FBXL17: variants seen among roughly 807,000 people sequenced by gnomAD.
FBXL17 encodes F-box/LRR-repeat protein 17.
A neutral mutation model predicts 66.2 loss-of-function variants in FBXL17; 22 were observed. That is an observed-to-expected ratio of 0.33 (90% CI 0.24 to 0.47). FBXL17 has a LOEUF of 0.47. Among genes scored for constraint, FBXL17 ranks in the 20% least tolerant of loss-of-function variants. The pLI is 1.00. For missense variants in FBXL17, 878 were observed against 948.2 expected, an observed-to-expected ratio of 0.93 and a Z score of 0.97; for synonymous variants, 474 against 400.5, an observed-to-expected ratio of 1.18 and a Z score of -2.19.
chr5:107,997,909 C>T (rs1050578670), intron 7 of FBXL17, among the ~76,000 whole-genome samples: 3 of 152,186 alleles, frequency 2.0e-5, no homozygotes, highest in African/African-American at 7.2e-5. Context: ...ACACTGACAG[C>T]CATTTTCTCA....
At chr5:108,198,672 T>G (rs17161120) in intron 5 of FBXL17, among the ~76,000 whole-genome samples, 1,955 of 152,266 alleles carry the variant, frequency 0.013, 35 homozygotes, top group African/African-American at 0.043. Context: ...TTTTACTTAG[T>G]TTTACATTGT....
intron 4 of FBXL17, among the ~76,000 whole-genome samples, chr5:108,307,979 A>G (rs1459832255): frequency 6.6e-6 from 1 of 152,160 alleles, no homozygotes; most frequent in Non-Finnish European, 1.5e-5. Context: ...ACATAATAAA[A>G]TATGATACAT....
chr5:108,365,004 G>T lies in FBXL17; in HGVS notation c.1117-9C>A. ...AACAATTCATCAGTGACCTGTAAGA[G>T]AAAAAGCAATAAATTTAAACTTTTG... is the stretch of plus-strand genomic sequence containing the variant. On this transcript the variant is annotated splice_polypyrimidine_tract_variant and intron_variant, in intron 2 of 8. Transcript: ENST00000542267. 1 of 1,575,392 alleles carries T rather than the reference G, an allele frequency of 6.3e-7. No individual in the cohort carries two copies. Among genetic ancestry groups the T allele is most frequent in the Non-Finnish European group, 8.6e-7 (1 of 1,161,104 alleles).
chr5:107,987,837 T>A (rs2112685215), intron 7 of FBXL17, among the ~76,000 whole-genome samples: 1 of 152,152 alleles, frequency 6.6e-6, no homozygotes, highest in East Asian at 1.9e-4. Flanking sequence ...TGAATACATC[T>A]ATACCATTTT....
chr5:108,364,974 T>C lies in FBXL17; in HGVS notation c.1138A>G (p.Lys380Glu). ...ATATTCTGACTTCTTGATGCAATTT[T>C]TTCCAACAATTCATCAGTGACCTGT... ...RQQVTDELLE[K>E]IASRSQNIIE... Residue 380 changes from lysine (K) to glutamate (E), a missense_variant, in exon 3 of 9, where the codon AAA becomes GAA. Lys to Glu is a moderately conservative substitution (Grantham distance 56, BLOSUM62 1). Transcript: ENST00000542267. 1 of 1,610,444 alleles carries C rather than the reference T, an allele frequency of 6.2e-7. No individual in the cohort carries two copies.
At chr5:108,343,169 T>C (rs1268220332) in intron 4 of FBXL17, among the ~76,000 whole-genome samples, 2 of 152,218 alleles carry the variant, frequency 1.3e-5, no homozygotes, top group Admixed American at 6.5e-5. Flanking sequence ...GACAAACACA[T>C]GTCTGTTGTT....
chr5:108,263,192 G>A (rs1250086398), intron 4 of FBXL17, among the ~76,000 whole-genome samples: 5 of 152,074 alleles, frequency 3.3e-5, no homozygotes, highest in Admixed American at 6.5e-5. Context: ...TACACTTAAT[G>A]GAGGGTCTGC....
chr5:108,293,226 C>A (rs1021475926), intron 4 of FBXL17, among the ~76,000 whole-genome samples: 1 of 151,724 alleles, frequency 6.6e-6, no homozygotes, highest in African/African-American at 2.4e-5. Context: ...TTACATCTTA[C>A]AATAAGGATT....
intron 4 of FBXL17, among the ~76,000 whole-genome samples, chr5:108,283,786 A>C (rs1230966526): frequency 6.6e-6 from 1 of 151,982 alleles, no homozygotes; most frequent in East Asian, 1.9e-4. Flanking sequence ...TATTCATCCA[A>C]CAGGGGACTA....
At chr5:108,141,776 C>A (rs1284496487) in intron 6 of FBXL17, among the ~76,000 whole-genome samples, 1 of 152,212 alleles carries the variant, frequency 6.6e-6, no homozygotes, top group Non-Finnish European at 1.5e-5. Context: ...AGCAATCAGA[C>A]TATACGTTGT....
intron 7 of FBXL17, among the ~76,000 whole-genome samples, chr5:107,936,825 T>TTTAAAA: frequency 6.6e-6 from 1 of 152,196 alleles, no homozygotes; most frequent in East Asian, 1.9e-4. Context: ...TTTAAAATAT[T>TTTAAAA]TACAATGGTA....
At chr5:108,193,842 C>G (rs184633176) in intron 5 of FBXL17, among the ~76,000 whole-genome samples, 8 of 152,252 alleles carry the variant, frequency 5.3e-5, no homozygotes, top group Non-Finnish European at 2.9e-5. Context: ...CTTAATCACA[C>G]TGGGCTTTTG....
chr5:107,978,361 T>G (rs960620301), intron 7 of FBXL17, among the ~76,000 whole-genome samples: 1 of 152,190 alleles, frequency 6.6e-6, no homozygotes, highest in Admixed American at 6.5e-5. Context: ...TGAAACTGCC[T>G]TTGTAAAACT....
At chr5:108,084,035 T>G (rs545673726) in intron 6 of FBXL17, among the ~76,000 whole-genome samples, 2 of 152,384 alleles carry the variant, frequency 1.3e-5, no homozygotes, top group African/African-American at 4.8e-5. Flanking sequence ...TAATCGTTTT[T>G]ACTTAGCAAA....
rs114335882 is a variant in FBXL17, at chr5:107,975,164, T to C, written c.1822+45761A>G. Among the ~76,000 whole-genome samples the C allele has an allele frequency of 5.9e-3, 893 of 152,320 alleles. 10 individuals are homozygous for C. The highest frequency in any genetic ancestry group is 0.021 in the African/African-American group (863 of 41,592). Reference sequence around the variant, plus strand: ...TACTCAGAGTCTAGTCATTGAGCTATGAATTGCCTATAAATATGCTCGGAT... The same window carrying C: ...TACTCAGAGTCTAGTCATTGAGCTACGAATTGCCTATAAATATGCTCGGAT... On this transcript the variant is annotated intron_variant, in intron 7 of 8. Transcript: ENST00000542267.
At chr5:107,957,063 A>G (rs1291815390) in intron 7 of FBXL17, among the ~76,000 whole-genome samples, 1 of 152,176 alleles carries the variant, frequency 6.6e-6, no homozygotes, top group Non-Finnish European at 1.5e-5. Context: ...CTTTAATTTG[A>G]GATTTACATG....
intron 7 of FBXL17, among the ~76,000 whole-genome samples, chr5:107,938,455 C>G (rs1750981225): frequency 6.6e-6 from 1 of 152,112 alleles, no homozygotes; most frequent in South Asian, 2.1e-4. Flanking sequence ...AGTCATTTAT[C>G]TGTCTTTTAG....
At chr5:107,880,946 G>T in intron 8 of FBXL17, 91 bp downstream of exon 8, 1 of 1,605,636 alleles carries the variant, frequency 6.2e-7, no homozygotes, top group Non-Finnish European at 8.5e-7. Context: ...TAATACACGG[G>T]GGTGGAGATA....
intron 7 of FBXL17, among the ~76,000 whole-genome samples, chr5:107,947,808 T>A (rs1302189016): frequency 1.3e-5 from 2 of 152,160 alleles, no homozygotes; most frequent in Non-Finnish European, 2.9e-5. Flanking sequence ...GTAGACATTA[T>A]CTGTAAGGTT....
Sources: allele counts gnomAD v4.1 joint callset (sites outside exome capture counted in the v4.1 genomes callset), GRCh38; gene constraint gnomAD v4.1.1; transcripts MANE v1.5; gene names NCBI Gene and HGNC (gene_info 2026-07-23, HGNC 2026-07-21).